Variants in ANKRD7 observed in about 807,000 individuals in gnomAD.
ANKRD7 encodes ankyrin repeat domain-containing protein 7.
ANKRD7 carries 30 observed loss-of-function variants against 30.8 expected under a neutral mutation model. The ratio of observed to expected loss-of-function variants is 0.97; its 90% CI spans 0.73 to 1.32. ANKRD7 has a LOEUF of 1.32. Among genes scored for constraint, ANKRD7 ranks in the 40% most tolerant of loss-of-function variants. The pLI, the probability that ANKRD7 is intolerant of heterozygous loss-of-function variation, is 0.00. For missense variants in ANKRD7, 264 were observed against 295.7 expected, an observed-to-expected ratio of 0.89 and a Z score of 0.79; for synonymous variants, 97 against 106.6, an observed-to-expected ratio of 0.91 and a Z score of 0.55.
At position 118,234,822 on chromosome 7, in the gene ANKRD7, C is replaced by T; in HGVS notation, c.416C>T (p.Ser139Leu). 6.2e-7 allele frequency: 1 copy of T among 1,611,464 alleles called. No homozygotes were observed. Among genetic ancestry groups the T allele is most frequent in the Non-Finnish European group, 8.5e-7 (1 of 1,179,380 alleles). ...LHYAVCGQSL[S>L]LVEKLLEYEA... ...TATGCTGTTTGTGGTCAAAGTTTGTCATTAGTTGAAAAACTGCTTGAATAC... is the reference window on the plus strand; with the variant it reads ...TATGCTGTTTGTGGTCAAAGTTTGTTATTAGTTGAAAAACTGCTTGAATAC... The change falls in exon 3 of 7, where the codon TCA (serine) becomes TTA (leucine). Residue 139 changes from serine (S) to leucine (L), a missense_variant. Physicochemically the swap from Ser to Leu is moderately radical, Grantham distance 145. Transcript: ENST00000265224.
At chr7:118,232,161 A>G (rs932820398) in intron 1 of ANKRD7, among the ~76,000 whole-genome samples, 6 of 152,020 alleles carry the variant, frequency 3.9e-5, no homozygotes, top group African/African-American at 1.5e-4. Context: ...ACATATAGAT[A>G]AGTGGCCACA....
In ANKRD7 at chr7:118,235,940, AT is replaced by A. The variant is rs544179901; in HGVS notation, c.469-99del. 1.5e-3 allele frequency: 903 copies of A among 592,872 alleles called. 1 individual carries two copies. Among genetic ancestry groups the A allele is most frequent in the Non-Finnish European group, 2.2e-3 (741 of 335,328 alleles). 36.7% of individuals were successfully genotyped at this position (592,872 alleles called of 1,614,324 possible). On this transcript the variant is annotated intron_variant, in intron 3 of 6. Transcript: ENST00000265224. ...AAATCTTTTAAGAGTTAAAGTGTAT[AT>A]TCAGAAGTTCTTATGCACACATATT...
At chr7:118,229,126 T>C (rs2115998723) in intron 1 of ANKRD7, among the ~76,000 whole-genome samples, 1 of 152,282 alleles carries the variant, frequency 6.6e-6, no homozygotes, top group South Asian at 2.1e-4. Context: ...TCCACAGAAA[T>C]GCAAGACATG....
Position 118,236,903 on chromosome 7 carries a change from T to A in ANKRD7, c.689T>A (p.Met230Lys). The change falls in exon 5 of 7, where the codon ATG becomes AAG. Residue 230 changes from methionine to lysine, a missense_variant. Coordinates refer to ENST00000265224, the MANE Select transcript of ANKRD7 (RefSeq NM_019644.4). Reference sequence around the variant, plus strand: ...ATTGTGGATTCACAGCTGAGGAATATGTTTATTTCCATGGTTTTACTGCGT... The same window carrying A: ...ATTGTGGATTCACAGCTGAGGAATAAGTTTATTTCCATGGTTTTACTGCGT... The part of the protein sequence containing the change: ...EGIVDSQLRN[M>K]FISMVLLHRY... The A allele has an allele frequency of 2.5e-6, 4 of 1,613,994 alleles. No individual in the cohort carries two copies. Among genetic ancestry groups the A allele is most frequent in the Non-Finnish European group, 2.5e-6 (3 of 1,179,886 alleles).
rs776876096 is a variant in ANKRD7, at chr7:118,236,108, A to T, written c.536A>T (p.Glu179Val). The T allele has an allele frequency of 6.2e-7, 1 of 1,608,672 alleles. No individual in the cohort carries two copies. The change falls in exon 4 of 7, where the codon GAG becomes GTG. Residue 179 changes from glutamate (E) to valine (V), a missense_variant. Glu to Val is a moderately radical substitution (Grantham distance 121). Coordinates refer to ENST00000265224, the MANE Select transcript of ANKRD7 (RefSeq NM_019644.4). ...CCAAAAATGGTAAAATTTCTTCTGGAGAAAGGGGCTGATGTGAATGCTTCA... is the reference window on the plus strand; with the variant it reads ...CCAAAAATGGTAAAATTTCTTCTGGTGAAAGGGGCTGATGTGAATGCTTCA... ...NNPKMVKFLL[E>V]KGADVNASDN...
intron 1 of ANKRD7, among the ~76,000 whole-genome samples, chr7:118,234,040 A>T (rs553383407): frequency 6.6e-6 from 1 of 152,314 alleles, no homozygotes; most frequent in South Asian, 2.1e-4. Context: ...ACAGCATGTC[A>T]TTGATTAAGT....
At chr7:118,232,544 G>A (rs868749492) in intron 1 of ANKRD7, among the ~76,000 whole-genome samples, 184 of 152,032 alleles carry the variant, frequency 1.2e-3, no homozygotes, top group African/African-American at 3.9e-3. Flanking sequence ...TGAATTTGTG[G>A]CTGATTTCCT....
Position 118,236,041 on chromosome 7 carries a change from G to A in ANKRD7, c.469G>A (p.Asp157Asn), listed in dbSNP as rs763319183. The A allele has an allele frequency of 2.0e-6, 3 of 1,491,062 alleles. No individual in the cohort carries two copies. The highest frequency in any genetic ancestry group is 1.8e-4 in the Middle Eastern group (1 of 5,662). 92.4% of individuals were successfully genotyped at this position (1,491,062 alleles called of 1,614,324 possible). A position where few individuals can be genotyped will look rare whatever the true frequency, so the allele number is the denominator to read the frequency against. The change falls in exon 4 of 7, where the codon GAT (aspartate) becomes AAT (asparagine). Residue 157 changes from aspartate (D) to asparagine (N), a missense_variant and splice_region_variant. Asp to Asn is a conservative substitution (Grantham distance 23). Transcript: ENST00000265224. ...YEADLEAKNK[D>N]GYTPLLVAVI... ...AATCATTTTTAAATATTTTTTTCAGGATGGGTATACTCCACTATTAGTTGC... is the reference window on the plus strand; with the variant it reads ...AATCATTTTTAAATATTTTTTTCAGAATGGGTATACTCCACTATTAGTTGC...
At chr7:118,234,903 G>T in intron 3 of ANKRD7, 29 bp downstream of exon 3, 1 of 1,550,796 alleles carries the variant, frequency 6.4e-7, no homozygotes, top group Non-Finnish European at 8.7e-7. Flanking sequence ...AAAAAATCCT[G>T]TATTTTAGAA....
chr7:118,233,787 C>A (rs1210588279), intron 1 of ANKRD7, among the ~76,000 whole-genome samples: 2 of 152,040 alleles, frequency 1.3e-5, no homozygotes. Flanking sequence ...GAGGGCCAGT[C>A]CAGGCTAAAA....
chr7:118,238,735 A>G lies in ANKRD7; in HGVS notation c.713-1174A>G, dbSNP rs565687897. On this transcript the variant is annotated intron_variant, in intron 5 of 6. Transcript: ENST00000265224. ...TTTCTCTCATTAAAATTCAGAAGCC[A>G]TATGGCTCTTTTCTGTCATGGAGCA... 2.6e-5 allele frequency among the ~76,000 whole-genome samples: 4 copies of G among 152,336 alleles called. No homozygotes were observed. The South Asian group carries it at 6.2e-4, about 24-fold the overall frequency.
intron 1 of ANKRD7, among the ~76,000 whole-genome samples, chr7:118,229,913 G>C (rs765428213): frequency 3.3e-5 from 5 of 152,146 alleles, no homozygotes; most frequent in Non-Finnish European, 7.4e-5. Context: ...CACATAAACA[G>C]AATTAAAAGC....
rs574077518 is a variant in ANKRD7, at chr7:118,241,790, C to T, written c.*38-559C>T. Among the ~76,000 whole-genome samples the T allele has an allele frequency of 1.9e-3, 285 of 152,084 alleles. 1 individual carries two copies. The highest frequency in any genetic ancestry group is 6.6e-3 in the African/African-American group (272 of 41,492). ...CTGACCTCAGGTGATCCGCCAGCCTCGGCCTCCCAAAGTGCTATAATTACA... is the reference window on the plus strand; with the variant it reads ...CTGACCTCAGGTGATCCGCCAGCCTTGGCCTCCCAAAGTGCTATAATTACA... On this transcript the variant is annotated intron_variant, in intron 6 of 6. Transcript: ENST00000265224.
intron 1 of ANKRD7, chr7:118,228,098 A>G: frequency 2.4e-6 from 3 of 1,246,264 alleles, no homozygotes; most frequent in South Asian, 2.8e-5. Context: ...TATTTGAAAT[A>G]TTGTCTTTCA....
chr7:118,237,789 AAATAT>A (rs1809754859), intron 5 of ANKRD7, among the ~76,000 whole-genome samples: 1 of 152,042 alleles, frequency 6.6e-6, no homozygotes, highest in South Asian at 2.1e-4. Context: ...ATAATTGAGT[AAATAT>A]AATATTTTCA....
At chr7:118,226,373 G>A (rs1004934288) in intron 1 of ANKRD7, among the ~76,000 whole-genome samples, 3 of 152,122 alleles carry the variant, frequency 2.0e-5, no homozygotes, top group African/African-American at 4.8e-5. Context: ...AACCCCCTGT[G>A]AAGTAAAAAT....
At chr7:118,241,102 C>G (rs1292003875) in intron 6 of ANKRD7, among the ~76,000 whole-genome samples, 1 of 134,490 alleles carries the variant, frequency 7.4e-6, no homozygotes, top group South Asian at 2.3e-4. Flanking sequence ...TGCAGTGAGC[C>G]GAGATTGCGC....
chr7:118,238,298 A>ATT (rs969338854), intron 5 of ANKRD7, among the ~76,000 whole-genome samples: 1 of 151,176 alleles, frequency 6.6e-6, no homozygotes, highest in African/African-American at 2.4e-5. Context: ...AGAGAATTAC[A>ATT]TTTTTTTTTC....
At position 118,225,527 on chromosome 7, in the gene ANKRD7, C is replaced by A. The variant is rs372268949; in HGVS notation, c.179+518C>A. Among the ~76,000 whole-genome samples, 4 of 151,970 alleles carry A rather than the reference C, an allele frequency of 2.6e-5. No individual in the cohort carries two copies. In the East Asian group the frequency reaches 7.7e-4, roughly 29 times the overall value. ...AATTGCTTGCTTGAATATTTTCTAC[C>A]CTTCCTGAATCCATCCTCTCCTCTG... On this transcript the variant is annotated intron_variant, in intron 1 of 6. Coordinates refer to ENST00000265224, the MANE Select transcript of ANKRD7 (RefSeq NM_019644.4).
Sources: allele counts gnomAD v4.1 joint callset (sites outside exome capture counted in the v4.1 genomes callset), GRCh38; gene constraint gnomAD v4.1.1; transcripts MANE v1.5; gene names NCBI Gene and HGNC (gene_info 2026-07-23, HGNC 2026-07-21).